Variants in SHC4 observed in about 807,000 individuals in gnomAD.
SHC4 encodes the protein SHC-transforming protein 4.
Under a neutral mutation model 69.4 loss-of-function variants are expected in SHC4, and 41 were observed. That is an observed-to-expected ratio of 0.59 (90% CI 0.46 to 0.77). The LOEUF (loss-of-function observed/expected upper bound fraction) is 0.77. Ranked by LOEUF, SHC4 falls within the 30% of genes least tolerant of loss-of-function variation. The probability of loss-of-function intolerance (pLI) is 0.00; values close to 1 mark genes in which losing one functional copy is unlikely to be tolerated. For synonymous variants in SHC4, 318 were observed against 299.3 expected (o/e 1.06, Z -0.64); for missense variants, 777 against 783.8 (o/e 0.99, Z 0.10).
chr15:48,853,904 G>T (rs1197167070), intron 8 of SHC4, among the ~76,000 whole-genome samples: 7 of 152,080 alleles, frequency 4.6e-5, no homozygotes, highest in African/African-American at 7.2e-5. Flanking sequence ...ATCTATTCTG[G>T]ACATCAGCCT....
chr15:48,905,381 A>G (rs898740492), intron 2 of SHC4, among the ~76,000 whole-genome samples: 1 of 152,228 alleles, frequency 6.6e-6, no homozygotes, highest in African/African-American at 2.4e-5. Flanking sequence ...CTTCCAGGCC[A>G]GACATCCCCC....
chr15:48,907,382 C>A (rs1194464628), intron 2 of SHC4, among the ~76,000 whole-genome samples: 4 of 151,758 alleles, frequency 2.6e-5, no homozygotes, highest in Non-Finnish European at 5.9e-5. Flanking sequence ...ACCATCATGC[C>A]CAGCTAATTT....
At chr15:48,909,590 T>C (rs578234928) in intron 2 of SHC4, among the ~76,000 whole-genome samples, 4 of 152,296 alleles carry the variant, frequency 2.6e-5, no homozygotes, top group Non-Finnish European at 5.9e-5. Flanking sequence ...TCCACTACTA[T>C]GTTGAAGAGG....
chr15:48,928,415 C>T (rs1275065147), intron 1 of SHC4, among the ~76,000 whole-genome samples: 1 of 151,964 alleles, frequency 6.6e-6, no homozygotes, highest in Non-Finnish European at 1.5e-5. Flanking sequence ...CAGAAACAGA[C>T]ATTTATGTTC....
Position 48,825,968 on chromosome 15 carries a change from C to A in SHC4, c.*3G>T. The stretch of plus-strand genomic sequence containing the variant: ...ATATCAGTGTGATGGTGCTTCAATA[C>A]TGTCATTTGTTGGAATGCAAAAGTG... On this transcript the variant is annotated 3_prime_UTR_variant, in exon 12 of 12. Transcript: ENST00000332408. 6.2e-7 allele frequency: 1 copy of A among 1,612,492 alleles called. No homozygotes were observed.
chr15:48,901,430 A>G (rs537882932), intron 2 of SHC4, among the ~76,000 whole-genome samples: 4 of 152,188 alleles, frequency 2.6e-5, no homozygotes, highest in African/African-American at 4.8e-5. Flanking sequence ...CTATGTCAGT[A>G]TAAGAATTAT....
At chr15:48,837,513 G>A (rs1461466197) in intron 10 of SHC4, among the ~76,000 whole-genome samples, 1 of 152,032 alleles carries the variant, frequency 6.6e-6, no homozygotes, top group Non-Finnish European at 1.5e-5. Flanking sequence ...TAATGCATAA[G>A]TTGACTTTGA....
chr15:48,913,997 T>A (rs1015505161), intron 2 of SHC4, among the ~76,000 whole-genome samples: 1 of 152,214 alleles, frequency 6.6e-6, no homozygotes, highest in African/African-American at 2.4e-5. Flanking sequence ...TCAGAGGGTC[T>A]GTGGGTCCTC....
chr15:48,872,152 A>G lies in SHC4; in HGVS notation c.841-10T>C, dbSNP rs749255751. 1 of 1,456,684 alleles carries G rather than the reference A, an allele frequency of 6.9e-7. No homozygotes were observed. Among genetic ancestry groups the G allele is most frequent in the Admixed American group, 1.8e-5 (1 of 56,536 alleles). 90.2% of individuals were successfully genotyped at this position (1,456,684 alleles called of 1,614,324 possible). A position where few individuals can be genotyped will look rare whatever the true frequency, so the allele number is the denominator to read the frequency against. ...GATGATTTGCAATAATCTGAAAAACATAAACATGTATACTAATATAAATTA... is the reference window on the plus strand; with the variant it reads ...GATGATTTGCAATAATCTGAAAAACGTAAACATGTATACTAATATAAATTA... On this transcript the variant is annotated splice_polypyrimidine_tract_variant and intron_variant, in intron 4 of 11. Coordinates refer to ENST00000332408, the MANE Select transcript of SHC4 (RefSeq NM_203349.4).
rs772984172 is a variant in SHC4 at position 48,962,653 on chromosome 15, T to C, written c.363A>G (p.Glu121=). The change falls in exon 1 of 12, where the codon GAA becomes GAG. Residue 121 remains glutamate (E), a synonymous_variant. Transcript: ENST00000332408. ...GGCCGCTGGAACCTGGGTCCCGGCT[T>C]TCCTGGAGCTTCAGCCGAGGCACCT... ...TKEVPRLKLQ[E]SRDPGSSGPS... is the part of the protein sequence containing the mutation. 1.2e-5 allele frequency: 19 copies of C among 1,614,030 alleles called. 1 individual carries two copies. In the South Asian group the frequency reaches 1.9e-4, roughly 16 times the overall value.
At chr15:48,870,808 G>T (rs1229307246) in intron 5 of SHC4, among the ~76,000 whole-genome samples, 1 of 152,184 alleles carries the variant, frequency 6.6e-6, no homozygotes, top group African/African-American at 2.4e-5. Flanking sequence ...TTATACACAG[G>T]TAAGTTACAC....
chr15:48,849,785 C>T (rs1202918450), intron 9 of SHC4, among the ~76,000 whole-genome samples: 3 of 152,192 alleles, frequency 2.0e-5, no homozygotes, highest in Non-Finnish European at 2.9e-5. Flanking sequence ...GAGATTCATA[C>T]TTGCCATTAA....
intron 2 of SHC4, among the ~76,000 whole-genome samples, chr15:48,909,131 C>A (rs1412291560): frequency 6.6e-6 from 1 of 152,072 alleles, no homozygotes; most frequent in Non-Finnish European, 1.5e-5. Context: ...TTGTAGATTG[C>A]TTTTGGCAGT....
At chr15:48,907,795 T>C (rs1900433034) in intron 2 of SHC4, among the ~76,000 whole-genome samples, 1 of 151,326 alleles carries the variant, frequency 6.6e-6, no homozygotes, top group Non-Finnish European at 1.5e-5. Context: ...TACACGGTCA[T>C]AAAAAGGAAT....
At chr15:48,942,628 C>G (rs28638772) in intron 1 of SHC4, among the ~76,000 whole-genome samples, 2,851 of 152,082 alleles carry the variant, frequency 0.019, 78 homozygotes, top group African/African-American at 0.066. Flanking sequence ...GCTTGAAGGT[C>G]TCATGATAAT....
chr15:48,858,625 A>C (rs1285384064), intron 6 of SHC4, among the ~76,000 whole-genome samples: 2 of 152,172 alleles, frequency 1.3e-5, no homozygotes, highest in Non-Finnish European at 2.9e-5. Flanking sequence ...AGGGACTGTA[A>C]ATTAATCTCC....
At chr15:48,840,741 T>A (rs529578924) in intron 10 of SHC4, among the ~76,000 whole-genome samples, 6 of 152,162 alleles carry the variant, frequency 3.9e-5, no homozygotes, top group Non-Finnish European at 7.3e-5. Context: ...CAACATAATT[T>A]AAGGTTTTGG....
intron 3 of SHC4, among the ~76,000 whole-genome samples, chr15:48,889,632 C>T (rs921353666): frequency 2.6e-5 from 4 of 152,318 alleles, no homozygotes; most frequent in African/African-American, 9.6e-5. Flanking sequence ...ATCATGAGGT[C>T]AGGAGATCAA....
intron 1 of SHC4, among the ~76,000 whole-genome samples, chr15:48,943,117 C>G (rs1170511589): frequency 2.0e-5 from 3 of 152,084 alleles, no homozygotes; most frequent in African/African-American, 7.2e-5. Context: ...GTAAAAACAC[C>G]CAACATCTAC....
Sources: gnomAD v4.1 joint callset for allele counts (sites outside exome capture counted in the v4.1 genomes callset) on GRCh38, gnomAD v4.1.1 for gene constraint, MANE v1.5 for transcripts, NCBI Gene and HGNC (gene_info 2026-07-23, HGNC 2026-07-21) for gene names.